Variants in TMPRSS6 observed in about 807,000 individuals in gnomAD.
TMPRSS6 encodes the protein transmembrane protease serine 6.
A neutral mutation model predicts 101.5 loss-of-function variants in TMPRSS6; 67 were observed. The ratio of observed to expected loss-of-function variants is 0.66; its 90% CI spans 0.54 to 0.81. The LOEUF is 0.81. Ranked by LOEUF, TMPRSS6 falls within the 30% of genes least tolerant of loss-of-function variation. The pLI is 0.00. For synonymous variants in TMPRSS6, 453 were observed against 464.9 expected (o/e 0.97, Z 0.33); for missense variants, 1,034 against 1,088.7 (o/e 0.95, Z 0.71).
Position 37,084,624 on chromosome 22 carries a change from G to A in TMPRSS6, c.1086+103C>T, listed in dbSNP as rs544245402. 1.5e-3 allele frequency: 1,558 copies of A among 1,051,866 alleles called. 4 individuals carry two copies. Among genetic ancestry groups the A allele is most frequent in the South Asian group, 2.8e-3 (194 of 70,510 alleles). The allele number at this position is 1,051,866 out of a possible 1,614,324, so 65.2% of individuals were successfully genotyped here. ...TGTACCCAGGGCTCAGCCTGTGGGC[G>A]CTTCAGCAGAGGCGGGACACTGCCC... On this transcript the variant is annotated intron_variant, in intron 9 of 17. Transcript: ENST00000676104.
intron 1 of TMPRSS6, among the ~76,000 whole-genome samples, chr22:37,106,270 C>T (rs1930708996): frequency 2.0e-5 from 3 of 152,026 alleles, no homozygotes; most frequent in Admixed American, 1.3e-4. Context: ...CTGAGCCCTA[C>T]TACCTCTCAG....
At chr22:37,072,799 T>G (rs374680393) in intron 13 of TMPRSS6, among the ~76,000 whole-genome samples, 3 of 124,786 alleles carry the variant, frequency 2.4e-5, no homozygotes, top group Non-Finnish European at 5.0e-5. Context: ...GGATGGATGA[T>G]GGATGGATGG....
At position 37,096,044 on chromosome 22, in the gene TMPRSS6, C is replaced by A. The variant is rs752163489; in HGVS notation, c.451G>T (p.Glu151Ter). The change falls in exon 5 of 18, where the codon GAG becomes TAG. Residue 151 changes from glutamate (E) to a stop codon, truncating the protein, a stop_gained. Transcript: ENST00000676104. LOFTEE classifies it high-confidence loss of function. ...CFFWFILQIP[E>*]HRRLMLSPEV... is the part of the protein sequence containing the mutation. Reference sequence around the variant, plus strand: ...GGGCTCAGCATCAGCCGGCGGTGCTCGGGGATTTGGAGAATGAACCAGAAG... The same window carrying A: ...GGGCTCAGCATCAGCCGGCGGTGCTAGGGGATTTGGAGAATGAACCAGAAG... 6.2e-7 allele frequency: 1 copy of A among 1,614,036 alleles called. No individual in the cohort carries two copies. Among genetic ancestry groups the A allele is most frequent in the African/African-American group, 1.3e-5 (1 of 74,910 alleles).
chr22:37,068,800 G>A, intron 16 of TMPRSS6: 1 of 707,264 alleles, frequency 1.4e-6, no homozygotes, highest in Non-Finnish European at 2.6e-6. Flanking sequence ...GAGCTTGCAC[G>A]TGGGCAGTGG....
At chr22:37,098,385 C>T (rs1930007422) in intron 3 of TMPRSS6, 31 bp downstream of exon 3, 1 of 1,613,862 alleles carries the variant, frequency 6.2e-7, no homozygotes, top group African/African-American at 1.3e-5. Context: ...CCCCATATTC[C>T]CTCCCTCTCA....
At chr22:37,087,607 C>T (rs928688920) in intron 7 of TMPRSS6, among the ~76,000 whole-genome samples, 1 of 150,258 alleles carries the variant, frequency 6.7e-6, no homozygotes, top group African/African-American at 2.5e-5. Context: ...CCCAGGCCCT[C>T]GTCCCTTCTT....
intron 10 of TMPRSS6, among the ~76,000 whole-genome samples, chr22:37,078,773 AAGG>A (rs1460146723): frequency 1.4e-5 from 2 of 144,504 alleles, no homozygotes; most frequent in East Asian, 2.0e-4. Flanking sequence ...GAATGAGGAG[AAGG>A]AGGAGGAGAA....
At chr22:37,091,716 T>C (rs1354719407) in intron 6 of TMPRSS6, among the ~76,000 whole-genome samples, 2 of 152,248 alleles carry the variant, frequency 1.3e-5, no homozygotes, top group Non-Finnish European at 2.9e-5. Context: ...TAGAGGTAGA[T>C]GTTCACTACC....
rs1927737602 is a variant in TMPRSS6 at position 37,077,063 on chromosome 22, T to G, written c.1197-1783A>C. Among the ~76,000 whole-genome samples, 3 of 152,354 alleles carry G rather than the reference T, an allele frequency of 2.0e-5. No homozygotes were observed. In the South Asian group the frequency reaches 6.2e-4, roughly 32 times the overall value. ...CCACCGAACAGCTGAAGATGAGCTT[T>G]GAGGCTGTTTTAACATCTCCAGGTG... On this transcript the variant is annotated intron_variant, in intron 10 of 17. Coordinates refer to ENST00000676104, the MANE Select transcript of TMPRSS6 (RefSeq NM_001374504.1).
At chr22:37,067,031 A>G (rs1038975401) in intron 16 of TMPRSS6, 69 bp from the exon 17 acceptor site, 2 of 1,559,310 alleles carry the variant, frequency 1.3e-6, no homozygotes, top group Non-Finnish European at 1.8e-6. Context: ...TCTCCCTAAC[A>G]TTATTCCCTT....
intron 12 of TMPRSS6, 39 bp from the exon 13 acceptor site, chr22:37,073,684 C>G (rs745602254): frequency 7.1e-7 from 1 of 1,402,610 alleles, no homozygotes; most frequent in Non-Finnish European, 1.0e-6. Flanking sequence ...TGGGAGGAAG[C>G]CAGAGGAGCC....
At chr22:37,081,998 A>T (rs1928309073) in intron 10 of TMPRSS6, among the ~76,000 whole-genome samples, 1 of 152,190 alleles carries the variant, frequency 6.6e-6, no homozygotes, top group African/African-American at 2.4e-5. Context: ...CTCTGTCATT[A>T]CCCAAGGGTA....
chr22:37,097,951 C>T (rs1383377491), intron 3 of TMPRSS6, among the ~76,000 whole-genome samples: 21 of 109,074 alleles, frequency 1.9e-4, no homozygotes, highest in African/African-American at 7.4e-4. Flanking sequence ...AGAGGGCCAC[C>T]GTCCTGTAAC....
intron 8 of TMPRSS6, among the ~76,000 whole-genome samples, chr22:37,085,351 C>T (rs972776448): frequency 3.3e-5 from 5 of 152,154 alleles, no homozygotes; most frequent in Non-Finnish European, 5.9e-5. Context: ...TGTTCCCTCC[C>T]GCCTCGAGCC....
intron 6 of TMPRSS6, among the ~76,000 whole-genome samples, chr22:37,094,404 T>C (rs1041622800): frequency 1.9e-4 from 28 of 149,720 alleles, no homozygotes; most frequent in Middle Eastern, 7.0e-3. Context: ...GATAGATAGA[T>C]AGATAGATAG....
At chr22:37,102,964 G>A (rs1930449588) in intron 2 of TMPRSS6, among the ~76,000 whole-genome samples, 1 of 152,032 alleles carries the variant, frequency 6.6e-6, no homozygotes, top group Non-Finnish European at 1.5e-5. Flanking sequence ...TCCCCACCTG[G>A]TGGGGAGCTT....
chr22:37,070,971 G>T lies in TMPRSS6; in HGVS notation c.1617C>A (p.Asn539Lys), dbSNP rs559649019. The stretch of plus-strand genomic sequence containing the variant: ...AGTCGGGCCGCCCATCACACTGCGG[G>T]TTGGGCTTCTTCACGCAGCTCCGGT... ...CEDRSCVKKP[N>K]PQCDGRPDCR... The change falls in exon 14 of 18, where the codon AAC (asparagine) becomes AAA (lysine). Residue 539 changes from asparagine to lysine, a missense_variant. Transcript: ENST00000676104. 6.2e-6 allele frequency: 10 copies of T among 1,613,318 alleles called. No homozygotes were observed. Among genetic ancestry groups the T allele is most frequent in the South Asian group, 1.1e-5 (1 of 91,076 alleles).
chr22:37,073,869 C>T (rs966056951), intron 12 of TMPRSS6, among the ~76,000 whole-genome samples: 1 of 152,164 alleles, frequency 6.6e-6, no homozygotes. Flanking sequence ...CTCAGACTCC[C>T]GAGTAGCTGA....
In TMPRSS6 at chr22:37,067,536, C is replaced by G. The variant is rs147861801; in HGVS notation, c.2114-574G>C. Among the ~76,000 whole-genome samples, 334 of 152,274 alleles carry G rather than the reference C, an allele frequency of 2.2e-3. 3 individuals carry two copies. The highest frequency in any genetic ancestry group is 7.8e-3 in the African/African-American group (325 of 41,548). ...AGTGTCTTCCTCCAGCTTCTTGTCC[C>G]CCACCTCTGTCTGCTGAGGCACCTC... On this transcript the variant is annotated intron_variant, in intron 16 of 17. Coordinates refer to ENST00000676104, the MANE Select transcript of TMPRSS6 (RefSeq NM_001374504.1).
Sources: gnomAD v4.1 joint callset for allele counts (sites outside exome capture counted in the v4.1 genomes callset) on GRCh38, gnomAD v4.1.1 for gene constraint, MANE v1.5 for transcripts, NCBI Gene and HGNC (gene_info 2026-07-23, HGNC 2026-07-21) for gene names.